MORN4: variants seen among roughly 807,000 people sequenced by gnomAD.
The protein encoded by MORN4 is MORN repeat-containing protein 4.
Under a neutral mutation model 16.4 loss-of-function variants are expected in MORN4, and 8 were observed. That is an observed-to-expected ratio of 0.49 (90% CI 0.29 to 0.88). The LOEUF is 0.88. Ranked by LOEUF, MORN4 falls within the 40% of genes least tolerant of loss-of-function variation. MORN4 has a pLI of 0.09. For missense variants in MORN4, 159 were observed against 182.9 expected, an observed-to-expected ratio of 0.87 and a Z score of 0.75; for synonymous variants, 53 against 68.9, an observed-to-expected ratio of 0.77 and a Z score of 1.14.
intron 2 of MORN4, chr10:97,619,289 C>G: frequency 2.0e-6 from 1 of 498,102 alleles, no homozygotes; most frequent in Non-Finnish European, 3.6e-6. Context: ...TGCACCACTG[C>G]ACTCCAGCCT....
Position 97,617,253 on chromosome 10 carries a change from C to T in MORN4, c.137G>A (p.Gly46Glu), listed in dbSNP as rs1356616880. Residue 46 changes from glycine to glutamate, a missense_variant, in exon 3 of 5, where the codon GGG (glycine) becomes GAG (glutamate). Physicochemically the swap from Gly to Glu is moderately conservative, Grantham distance 98 (BLOSUM62 -2). Coordinates refer to ENST00000307450, the MANE Select transcript of MORN4 (RefSeq NM_178832.4). ...CAATACCCCAAAGCCATTAAAGAGC[C>T]CATTCTCAAAATGACCCAGGTAGGT... The part of the protein sequence containing the change: ...GGTYLGHFEN[G>E]LFNGFGVLTF... 2 of 1,614,060 alleles carry T rather than the reference C, an allele frequency of 1.2e-6. No individual in the cohort carries two copies. The highest frequency in any genetic ancestry group is 1.3e-5 in the African/African-American group (1 of 74,920).
rs963053228 is a variant in MORN4 at position 97,627,881 on chromosome 10, A to G, written c.-31+5466T>C. 3.3e-5 allele frequency among the ~76,000 whole-genome samples: 5 copies of G among 152,206 alleles called. No homozygotes were observed. In the East Asian group the frequency reaches 9.6e-4, roughly 29 times the overall value. On this transcript the variant is annotated intron_variant, in intron 1 of 4. Transcript: ENST00000307450. The stretch of plus-strand genomic sequence containing the variant: ...CCTATCAATGTCCCACAAGGTCAGC[A>G]TCCAATTTCAGGCTCACAAGCCTCT...
chr10:97,620,597 T>A (rs1030568945), intron 1 of MORN4, among the ~76,000 whole-genome samples: 2 of 145,078 alleles, frequency 1.4e-5, no homozygotes, highest in South Asian at 4.3e-4. Flanking sequence ...CATGGCAAAA[T>A]AAGAAGCCTG....
chr10:97,620,845 G>A (rs890283365), intron 1 of MORN4, among the ~76,000 whole-genome samples: 13 of 151,868 alleles, frequency 8.6e-5, no homozygotes, highest in Non-Finnish European at 1.5e-4. Context: ...AAAATAGGCC[G>A]GGCGTGGTAG....
chr10:97,620,255 G>A (rs1290363185), intron 1 of MORN4, among the ~76,000 whole-genome samples: 1 of 151,900 alleles, frequency 6.6e-6, no homozygotes, highest in Non-Finnish European at 1.5e-5. Flanking sequence ...GGGAGGCCGA[G>A]GTGGGTGGGA....
Position 97,617,220 on chromosome 10 carries a change from G to A in MORN4, c.170C>T (p.Ser57Leu). Residue 57 changes from serine (S) to leucine (L), a missense_variant, in exon 3 of 5, where the codon TCA becomes TTA. Physicochemically the swap from Ser to Leu is moderately radical, Grantham distance 145 (BLOSUM62 -2). Transcript: ENST00000307450. ...ACCTCATACCCACCTTGAACCATCT[G>A]AGAAGGTCAATACCCCAAAGCCATT... ...LFNGFGVLTF[S>L]DGSRYEGEFA... 1 of 1,613,794 alleles carries A rather than the reference G, an allele frequency of 6.2e-7. No homozygotes were observed. Among genetic ancestry groups the A allele is most frequent in the South Asian group, 1.1e-5 (1 of 91,054 alleles).
chr10:97,632,215 T>A (rs2041402034), intron 1 of MORN4, among the ~76,000 whole-genome samples: 2 of 132,818 alleles, frequency 1.5e-5, no homozygotes, highest in African/African-American at 6.2e-5. Context: ...TACTCCCCTT[T>A]TTTTTTTTTT....
At chr10:97,634,133 T>A (rs573494587), upstream of MORN4, among the ~76,000 whole-genome samples, 418 of 152,110 alleles carry the variant, frequency 2.7e-3, 3 homozygotes, top group African/African-American at 9.7e-3. Flanking sequence ...AGACTCCGTA[T>A]CTACAGAAGA....
At chr10:97,620,333 C>A (rs2041277548) in intron 1 of MORN4, among the ~76,000 whole-genome samples, 1 of 151,130 alleles carries the variant, frequency 6.6e-6, no homozygotes, top group Non-Finnish European at 1.5e-5. Flanking sequence ...ACTAAAAATA[C>A]AAAAATTAGC....
chr10:97,622,269 T>A (rs1380737588), intron 1 of MORN4, among the ~76,000 whole-genome samples: 7 of 152,208 alleles, frequency 4.6e-5, no homozygotes, highest in South Asian at 2.1e-4. Context: ...GTCTGGGAGA[T>A]CACAGTATAA....
Position 97,615,112 on chromosome 10 carries a change from T to G in MORN4, c.*1151A>C, listed in dbSNP as rs2041224974. On this transcript the variant is annotated 3_prime_UTR_variant, in exon 5 of 5. Coordinates refer to ENST00000307450, the MANE Select transcript of MORN4 (RefSeq NM_178832.4). ...ATCTAAGGAAGGAGAGAGGCACACA[T>G]GGGGATTATCTGCTCTAAGTTGATG... The G allele has an allele frequency of 6.5e-6, 1 of 152,674 alleles. No individual in the cohort carries two copies. Among genetic ancestry groups the G allele is most frequent in the South Asian group, 2.1e-4 (1 of 4,828 alleles). The allele number at this position is 152,674 out of a possible 1,614,324, so 9.5% of individuals were successfully genotyped here. A position where few individuals can be genotyped will look rare whatever the true frequency, so the allele number is the denominator to read the frequency against.
At chr10:97,616,463 A>G in intron 4 of MORN4, 52 bp from the exon 5 acceptor site, 1 of 1,537,552 alleles carries the variant, frequency 6.5e-7, no homozygotes, top group Non-Finnish European at 8.8e-7. Flanking sequence ...TAATGTCTCA[A>G]AGATGAGACA....
At chr10:97,631,528 C>T (rs533570527) in intron 1 of MORN4, among the ~76,000 whole-genome samples, 129 of 151,858 alleles carry the variant, frequency 8.5e-4, no homozygotes, top group African/African-American at 2.9e-3. Context: ...TTTTTGTTTC[C>T]GTTCTTTTTA....
At chr10:97,628,493 A>G (rs1211497056) in intron 1 of MORN4, among the ~76,000 whole-genome samples, 1 of 152,134 alleles carries the variant, frequency 6.6e-6, no homozygotes, top group Non-Finnish European at 1.5e-5. Flanking sequence ...ATTTACGGAC[A>G]AAGTACTAGT....
chr10:97,617,087 C>A, intron 3 of MORN4, 121 bp downstream of exon 3: 2 of 798,344 alleles, frequency 2.5e-6, no homozygotes, highest in Non-Finnish European at 2.1e-6. Context: ...CTACTTATTA[C>A]TCATCTGTGT....
chr10:97,630,933 C>A (rs2041390804), intron 1 of MORN4, among the ~76,000 whole-genome samples: 1 of 152,164 alleles, frequency 6.6e-6, no homozygotes, highest in Non-Finnish European at 1.5e-5. Flanking sequence ...CCACTGCAAC[C>A]TCTGCCTCCT....
Position 97,617,286 on chromosome 10 carries a change from T to C in MORN4, c.104A>G (p.Asp35Gly). The stretch of plus-strand genomic sequence containing the variant: ...AAAATGACCCAGGTAGGTGCCACCA[T>C]CTGCAAACATCAGTTGACCAAAACC... ...RHGFGQLMFA[D>G]GGTYLGHFEN... The change falls in exon 3 of 5, where the codon GAT (aspartate) becomes GGT (glycine). Residue 35 changes from aspartate (D) to glycine (G), a missense_variant. Physicochemically the swap from Asp to Gly is moderately conservative, Grantham distance 94. Coordinates refer to ENST00000307450, the MANE Select transcript of MORN4 (RefSeq NM_178832.4). 1 of 1,614,148 alleles carries C rather than the reference T, an allele frequency of 6.2e-7. No homozygotes were observed.
chr10:97,626,529 C>T (rs562507690), intron 1 of MORN4, among the ~76,000 whole-genome samples: 52 of 149,672 alleles, frequency 3.5e-4, no homozygotes, highest in Non-Finnish European at 5.6e-4. Flanking sequence ...AATGTCGGCT[C>T]ACTGCAACCT....
chr10:97,627,061 T>TTTTGTTTG (rs1183242685), intron 1 of MORN4, among the ~76,000 whole-genome samples: 120 of 149,656 alleles, frequency 8.0e-4, no homozygotes, highest in African/African-American at 2.9e-3. Context: ...CCGGCCTGAT[T>TTTTGTTTG]TTTGTTTGTT....
Sources: allele counts gnomAD v4.1 joint callset (sites outside exome capture counted in the v4.1 genomes callset), GRCh38; gene constraint gnomAD v4.1.1; transcripts MANE v1.5; gene names NCBI Gene and HGNC (gene_info 2026-07-23, HGNC 2026-07-21).